The following RIC8B variants were observed in gnomAD, a reference collection of about 807,000 sequenced individuals.
RIC8B encodes chaperone Ric-8B.
RIC8B carries 16 observed loss-of-function variants against 57.5 expected under a neutral mutation model. The ratio of observed to expected loss-of-function variants is 0.28; its 90% CI spans 0.19 to 0.42. The LOEUF is 0.42. RIC8B is among the 10% of genes least tolerant of loss of function. RIC8B has a pLI of 1.00. For synonymous variants in RIC8B, 216 were observed against 250.8 expected (o/e 0.86, Z 1.31); for missense variants, 481 against 677.0 (o/e 0.71, Z 3.21).
intron 2 of RIC8B, among the ~76,000 whole-genome samples, chr12:106,800,270 A>G (rs558254622): frequency 3.9e-5 from 6 of 152,332 alleles, no homozygotes; most frequent in African/African-American, 1.4e-4. Context: ...GCAAGGCAGC[A>G]TCTTTCCGGG....
At chr12:106,785,959 G>T (rs575292342) in intron 2 of RIC8B, among the ~76,000 whole-genome samples, 8 of 150,892 alleles carry the variant, frequency 5.3e-5, no homozygotes, top group African/African-American at 2.0e-4. Context: ...TGATCCTCCC[G>T]CCCTAGGCTC....
chr12:106,830,861 G>T (rs763908229), intron 4 of RIC8B, among the ~76,000 whole-genome samples: 5 of 152,108 alleles, frequency 3.3e-5, no homozygotes, highest in Non-Finnish European at 5.9e-5. Context: ...TCGAGACAGG[G>T]ATAGAGAGAT....
At chr12:106,827,227 CAA>C (rs1798156022) in intron 4 of RIC8B, among the ~76,000 whole-genome samples, 2 of 152,266 alleles carry the variant, frequency 1.3e-5, no homozygotes, top group East Asian at 1.9e-4. Flanking sequence ...TTTACAATAA[CAA>C]GAGTTCTGAC....
At chr12:106,834,810 C>T (rs996131388) in intron 4 of RIC8B, among the ~76,000 whole-genome samples, 4 of 151,612 alleles carry the variant, frequency 2.6e-5, no homozygotes, top group South Asian at 2.1e-4. Flanking sequence ...GGTGAAACCC[C>T]GTCTCTATTA....
intron 2 of RIC8B, among the ~76,000 whole-genome samples, chr12:106,811,584 G>T (rs2045335334): frequency 6.6e-6 from 1 of 152,236 alleles, no homozygotes; most frequent in Non-Finnish European, 1.5e-5. Flanking sequence ...ATGGGTAGAT[G>T]TAGTGGCAGG....
intron 9 of RIC8B, chr12:106,874,634 G>A: frequency 8.5e-7 from 1 of 1,176,738 alleles, no homozygotes; most frequent in Non-Finnish European, 1.2e-6. Flanking sequence ...TACCAAAATT[G>A]TAAAACCACC....
chr12:106,831,097 A>G (rs2046334999), intron 4 of RIC8B, among the ~76,000 whole-genome samples: 1 of 152,042 alleles, frequency 6.6e-6, no homozygotes, highest in Non-Finnish European at 1.5e-5. Context: ...TCTCTATTCT[A>G]AAACATTTGT....
chr12:106,885,954 C>CT lies in RIC8B; in HGVS notation c.1625dup (p.Leu542PhefsTer17). ...CTAAAACCTGATGGGACAATAACGC[C>CT]TTTGGAGGAAGCACTCAACCAGTAC... On this transcript the variant is annotated frameshift_variant, in exon 10 of 10. Coordinates refer to ENST00000392837, the MANE Select transcript of RIC8B (RefSeq NM_001330145.2). LOFTEE classifies it high-confidence loss of function. 6.2e-7 allele frequency: 1 copy of CT among 1,613,764 alleles called. No individual in the cohort carries two copies. The highest frequency in any genetic ancestry group is 8.5e-7 in the Non-Finnish European group (1 of 1,179,880).
At chr12:106,781,704 A>G (rs933026127) in intron 1 of RIC8B, among the ~76,000 whole-genome samples, 3 of 152,344 alleles carry the variant, frequency 2.0e-5, no homozygotes, top group East Asian at 1.9e-4. Context: ...TTTCCAAAAG[A>G]CAATTTATTT....
intron 4 of RIC8B, among the ~76,000 whole-genome samples, chr12:106,832,594 AAG>A (rs2046403986): frequency 1.3e-5 from 2 of 152,176 alleles, no homozygotes; most frequent in African/African-American, 2.4e-5. Flanking sequence ...TATGCTTAAA[AAG>A]AGTGAAGATT....
Position 106,879,202 on chromosome 12 carries a change from T to TG in RIC8B, c.1572-6701dup, listed in dbSNP as rs1326350399. The TG allele has an allele frequency of 1.0e-6, 1 of 985,744 alleles. No individual in the cohort carries two copies. The highest frequency in any genetic ancestry group is 1.2e-6 in the Non-Finnish European group (1 of 829,928). 61.1% of individuals were successfully genotyped at this position (985,744 alleles called of 1,614,324 possible). On this transcript the variant is annotated intron_variant, in intron 9 of 9. Transcript: ENST00000392837. This position sits in a 1 kb window ranked among gnomAD's most constrained non-coding sequence, Gnocchi z 4.9. ...TTTTACCAACTGCTTAATTATGTCC[T>TG]GTTTTTCAACAAGTACACTTGAATT...
chr12:106,851,337 GCTCC>G, intron 6 of RIC8B, 109 bp from the exon 7 acceptor site: 3 of 79,868 alleles, frequency 3.8e-5, no homozygotes, highest in Non-Finnish European at 6.3e-5. Flanking sequence ...TTTTTTTTTT[GCTCC>G]TACAATACAA....
chr12:106,881,433 T>C (rs1950928838), intron 9 of RIC8B, among the ~76,000 whole-genome samples: 1 of 151,644 alleles, frequency 6.6e-6, no homozygotes, highest in Admixed American at 6.6e-5. Context: ...CTTGACTAAT[T>C]CTTCTGCTTC....
At chr12:106,877,962 A>G (rs1251301804) in intron 9 of RIC8B, among the ~76,000 whole-genome samples, 1 of 152,158 alleles carries the variant, frequency 6.6e-6, no homozygotes, top group East Asian at 1.9e-4. Flanking sequence ...TATAAAGTGG[A>G]AAGACATGGT....
intron 2 of RIC8B, among the ~76,000 whole-genome samples, chr12:106,811,577 G>C (rs1453741316): frequency 6.6e-6 from 1 of 152,214 alleles, no homozygotes; most frequent in African/African-American, 2.4e-5. Flanking sequence ...ATCCTTGATG[G>C]GTAGATGTAG....
At chr12:106,800,610 T>C (rs1207149103) in intron 2 of RIC8B, among the ~76,000 whole-genome samples, 1 of 152,120 alleles carries the variant, frequency 6.6e-6, no homozygotes, top group Admixed American at 6.5e-5. Context: ...AACATATGAA[T>C]CTGGGGGCAT....
At chr12:106,820,524 A>C (rs1394502037) in intron 3 of RIC8B, among the ~76,000 whole-genome samples, 1 of 152,180 alleles carries the variant, frequency 6.6e-6, no homozygotes, top group Non-Finnish European at 1.5e-5. Context: ...GATGGAAGAG[A>C]GCATGTTATT....
At chr12:106,876,276 G>A (rs1043965896) in intron 9 of RIC8B, among the ~76,000 whole-genome samples, 1 of 151,992 alleles carries the variant, frequency 6.6e-6, no homozygotes, top group African/African-American at 2.4e-5. Context: ...CACAAAAAAA[G>A]TAAAATATCT....
chr12:106,787,560 T>C (rs967692965), intron 2 of RIC8B, among the ~76,000 whole-genome samples: 7 of 152,164 alleles, frequency 4.6e-5, no homozygotes, highest in Non-Finnish European at 1.0e-4. Flanking sequence ...AAAAGAGGTT[T>C]AATTGGACTT....
Sources: gnomAD v4.1 joint callset for allele counts (sites outside exome capture counted in the v4.1 genomes callset) on GRCh38, gnomAD v4.1.1 for gene constraint, Gnocchi (gnomAD v3.1) non-coding constraint, MANE v1.5 for transcripts, NCBI Gene and HGNC (gene_info 2026-07-23, HGNC 2026-07-21) for gene names.